Variants in CCDC171 observed in about 807,000 individuals in gnomAD.
CCDC171 encodes the protein coiled-coil domain-containing protein 171.
Under a neutral mutation model 168.2 loss-of-function variants are expected in CCDC171, and 177 were observed. The observed-to-expected ratio is 1.05, with a 90% CI of 0.93 to 1.19. The LOEUF (loss-of-function observed/expected upper bound fraction) is 1.19. Ranked by LOEUF, CCDC171 falls within the 50% of genes most tolerant of loss-of-function variation. The pLI, the probability that CCDC171 is intolerant of heterozygous loss-of-function variation, is 0.00. For missense variants in CCDC171, 1,991 were observed against 1,539.0 expected, an observed-to-expected ratio of 1.29 and a Z score of -4.91; for synonymous variants, 687 against 540.8, an observed-to-expected ratio of 1.27 and a Z score of -3.75.
chr9:15,575,161 T>C lies in CCDC171; in HGVS notation c.177+3402T>C, dbSNP rs1411007209. Among the ~76,000 whole-genome samples the C allele has an allele frequency of 2.1e-5, 3 of 141,012 alleles. No individual in the cohort carries two copies. In the East Asian group the frequency reaches 6.1e-4, roughly 29 times the overall value. The allele number at this position is 141,012 out of a possible 152,430, so 92.5% of individuals were successfully genotyped here. On this transcript the variant is annotated intron_variant, in intron 3 of 25. Transcript: ENST00000380701. Reference sequence around the variant, plus strand: ...TAAAGGAGAGTGACATAACTACTTTTTTTTTTTTTTTTTTTTTTTTTTGAA... The same window carrying C: ...TAAAGGAGAGTGACATAACTACTTTCTTTTTTTTTTTTTTTTTTTTTTGAA...
chr9:15,968,730 G>A (rs1831053298), intron 25 of CCDC171, among the ~76,000 whole-genome samples: 1 of 151,884 alleles, frequency 6.6e-6, no homozygotes, highest in Non-Finnish European at 1.5e-5. Context: ...GCAGAGACGA[G>A]GTTCCACCAT....
chr9:15,725,895 G>A (rs1177285044), intron 14 of CCDC171, among the ~76,000 whole-genome samples: 1 of 152,170 alleles, frequency 6.6e-6, no homozygotes, highest in East Asian at 1.9e-4. Context: ...CTGGAGAGTT[G>A]CCTACCCATT....
chr9:15,698,395 C>T (rs1439876206), intron 11 of CCDC171, among the ~76,000 whole-genome samples: 2 of 151,944 alleles, frequency 1.3e-5, no homozygotes, highest in Non-Finnish European at 2.9e-5. Context: ...GTGGCGGGTG[C>T]CTGTAGTCCC....
At chr9:15,850,927 G>T (rs1249470313) in intron 23 of CCDC171, among the ~76,000 whole-genome samples, 1 of 151,910 alleles carries the variant, frequency 6.6e-6, no homozygotes, top group African/African-American at 2.4e-5. Flanking sequence ...CCGTAAAATA[G>T]TATCACTATT....
the CCDC171 span, among the ~76,000 whole-genome samples, chr9:16,081,152 C>T: frequency 6.6e-6 from 1 of 152,278 alleles, no homozygotes; most frequent in East Asian, 1.9e-4. Context: ...TCTGGGAAGC[C>T]CAGTGGGTTC....
At chr9:16,048,485 C>T (rs931509483) in intron 1 of CCDC171, among the ~76,000 whole-genome samples, 1 of 152,188 alleles carries the variant, frequency 6.6e-6, no homozygotes, top group African/African-American at 2.4e-5. Context: ...CCTGGTACTT[C>T]AGTAACAGTG....
At position 15,632,883 on chromosome 9, in the gene CCDC171, C is replaced by G. The variant is rs147667542; in HGVS notation, c.822+9470C>G. Among the ~76,000 whole-genome samples the G allele has an allele frequency of 9.7e-3, 1,475 of 152,294 alleles. 28 individuals carry two copies. Among genetic ancestry groups the G allele is most frequent in the African/African-American group, 0.034 (1,410 of 41,554 alleles). ...AATAATGCCGCATATCTATGACTAT[C>G]TGATCTTTGACAAACCTGAGAAAAA... On this transcript the variant is annotated intron_variant, in intron 7 of 25. Transcript: ENST00000380701.
chr9:15,990,740 G>A (rs1389567639), intron 3 of CCDC171, among the ~76,000 whole-genome samples: 4 of 152,106 alleles, frequency 2.6e-5, no homozygotes, highest in African/African-American at 7.2e-5. Flanking sequence ...GATCTACCAA[G>A]CAAATGGAAA....
At chr9:15,777,268 A>C (rs915261178) in intron 18 of CCDC171, among the ~76,000 whole-genome samples, 8 of 152,238 alleles carry the variant, frequency 5.3e-5, no homozygotes, top group African/African-American at 1.9e-4. Context: ...TGAAGGTAAC[A>C]AGCTTTGGCA....
intron 25 of CCDC171, among the ~76,000 whole-genome samples, chr9:15,970,307 C>G (rs919867864): frequency 6.6e-6 from 1 of 152,000 alleles, no homozygotes; most frequent in African/African-American, 2.4e-5. Flanking sequence ...TTACATGTAG[C>G]AACAATTTTG....
In CCDC171 at chr9:15,855,818, TTAAA is replaced by T. The variant is rs1263318431; in HGVS notation, c.3468+6874_3468+6877del. ...CAATTATGTTTAAAAAATTTTGCTC[TTAAA>T]TAGCTTCATCCTTTCTCTTCATGTT... On this transcript the variant is annotated intron_variant, in intron 23 of 25. Coordinates refer to ENST00000380701, the MANE Select transcript of CCDC171 (RefSeq NM_173550.4). 6.6e-5 allele frequency among the ~76,000 whole-genome samples: 10 copies of T among 151,952 alleles called. No individual in the cohort carries two copies. In the South Asian group the frequency reaches 8.3e-4, roughly 13 times the overall value.
At chr9:15,932,847 A>T (rs1049062205) in intron 25 of CCDC171, among the ~76,000 whole-genome samples, 1 of 151,904 alleles carries the variant, frequency 6.6e-6, no homozygotes, top group Admixed American at 6.6e-5. Flanking sequence ...TTCTGTGTCT[A>T]TTGAAATGAT....
chr9:15,568,108 A>T (rs1489272111), intron 2 of CCDC171, among the ~76,000 whole-genome samples: 1 of 151,864 alleles, frequency 6.6e-6, no homozygotes. Flanking sequence ...GCTGAAATTG[A>T]TTTTAGTTCT....
the CCDC171 span, among the ~76,000 whole-genome samples, chr9:16,102,381 C>T: frequency 1.3e-4 from 20 of 151,724 alleles, no homozygotes; most frequent in African/African-American, 4.4e-4. Flanking sequence ...TTGTCTCAGA[C>T]GGATGTAGTT....
intron 21 of CCDC171, among the ~76,000 whole-genome samples, chr9:15,819,358 G>C (rs2059679430): frequency 1.7e-5 from 2 of 117,614 alleles, no homozygotes; most frequent in East Asian, 2.1e-4. Flanking sequence ...AACCTTAAAT[G>C]TAAATGGGCT....
chr9:15,983,989 C>CT (rs921829646), intron 3 of CCDC171, among the ~76,000 whole-genome samples: 1 of 152,128 alleles, frequency 6.6e-6, no homozygotes, highest in Non-Finnish European at 1.5e-5. Flanking sequence ...ATAAATAGCC[C>CT]TTTCCACTCC....
chr9:15,905,776 C>G (rs902587314), intron 24 of CCDC171, among the ~76,000 whole-genome samples: 1 of 151,942 alleles, frequency 6.6e-6, no homozygotes, highest in African/African-American at 2.4e-5. Context: ...AGACTGCTAG[C>G]AAGACTAATA....
At chr9:15,808,980 A>G (rs2059203128) in intron 21 of CCDC171, among the ~76,000 whole-genome samples, 1 of 152,054 alleles carries the variant, frequency 6.6e-6, no homozygotes, top group Admixed American at 6.5e-5. Context: ...CATGGTGGAA[A>G]GCGGCAAGGC....
At chr9:16,091,448 T>C in the CCDC171 span, among the ~76,000 whole-genome samples, 3 of 152,124 alleles carry the variant, frequency 2.0e-5, no homozygotes, top group African/African-American at 7.2e-5. Context: ...AGTCATGAAA[T>C]TGGGAAATCT....
Sources: allele counts gnomAD v4.1 joint callset (sites outside exome capture counted in the v4.1 genomes callset), GRCh38; gene constraint gnomAD v4.1.1; transcripts MANE v1.5; gene names NCBI Gene and HGNC (gene_info 2026-07-23, HGNC 2026-07-21).